Variants in RGS12 observed in about 807,000 individuals in gnomAD.
The protein encoded by RGS12 is regulator of G protein signaling 12, also known as regulator of G-protein signaling 12.
Under a neutral mutation model 120.1 loss-of-function variants are expected in RGS12, and 66 were observed. The observed-to-expected ratio is 0.55, with a 90% CI of 0.45 to 0.67. RGS12 has a LOEUF of 0.67. Ranked by LOEUF, RGS12 falls within the 30% of genes least tolerant of loss-of-function variation. The probability of loss-of-function intolerance (pLI) is 0.00; values close to 1 mark genes in which losing one functional copy is unlikely to be tolerated. For missense variants in RGS12, 1,859 were observed against 1,957.7 expected (o/e 0.95, Z 0.95); for synonymous variants, 827 against 804.7 (o/e 1.03, Z -0.47).
rs376717845 is a variant in RGS12, at chr4:3,365,163, G to A, written c.1999-21253G>A. 1.7e-4 allele frequency among the ~76,000 whole-genome samples: 26 copies of A among 152,294 alleles called. 1 individual carries two copies. The highest frequency in any genetic ancestry group is 6.0e-4 in the African/African-American group (25 of 41,560). ...CTGGACTCAGGGACTGGGCAGAGAG[G>A]GGATGTTCAGGGCCAGGGATGGCAG... On this transcript the variant is annotated intron_variant, in intron 3 of 17. Coordinates refer to ENST00000336727, the MANE Select transcript of RGS12 (RefSeq NM_001394154.1). The surrounding 1 kb of genome is among the most constrained non-coding windows in gnomAD (Gnocchi z 4.0).
At chr4:3,369,464 A>T (rs1716740284) in intron 3 of RGS12, among the ~76,000 whole-genome samples, 1 of 152,170 alleles carries the variant, frequency 6.6e-6, no homozygotes, top group African/African-American at 2.4e-5. Context: ...CCCTGTGGGC[A>T]TTGAGTTTGC....
rs565004782 is a variant in RGS12, at chr4:3,414,083, G to A, written c.2032G>A (p.Ala678Thr). Residue 678 changes from alanine (A) to threonine (T), a missense_variant, in exon 5 of 18, where the codon GCC (alanine) becomes ACC (threonine). Ala to Thr is a moderately conservative substitution (Grantham distance 58). Coordinates refer to ENST00000336727, the MANE Select transcript of RGS12 (RefSeq NM_001394154.1). The part of the protein sequence containing the change: ...ATVSDGELTG[A>T]DLKDCVSNNS... The stretch of plus-strand genomic sequence containing the variant: ...TGCTGGTCCCGCAGAGTTGACGGGC[G>A]CCGACCTGAAGGACTGCGTCAGCAA... The A allele has an allele frequency of 1.5e-5, 23 of 1,563,906 alleles. No individual in the cohort carries two copies. The highest frequency in any genetic ancestry group is 4.6e-5 in the South Asian group (4 of 86,888).
intron 14 of RGS12, among the ~76,000 whole-genome samples, 156 bp from the exon 15 acceptor site, chr4:3,427,934 G>C (rs1723831453): frequency 6.6e-6 from 1 of 152,276 alleles, no homozygotes; most frequent in Non-Finnish European, 1.5e-5. Context: ...CTGTCCCATG[G>C]GGACTCCCCT....
chr4:3,415,807 C>T (rs767701002), intron 6 of RGS12, among the ~76,000 whole-genome samples, 171 bp from the exon 7 acceptor site: 5 of 152,242 alleles, frequency 3.3e-5, no homozygotes, highest in African/African-American at 4.8e-5. Flanking sequence ...GAGGAGCCCG[C>T]GCAGTGCTGC....
Position 3,317,689 on chromosome 4 carries a change from C to T in RGS12, c.1519C>T (p.Pro507Ser), listed in dbSNP as rs751596014. 6.2e-6 allele frequency: 10 copies of T among 1,612,038 alleles called. No homozygotes were observed. In the South Asian group the frequency reaches 6.6e-5, roughly 11 times the overall value. The part of the protein sequence containing the change: ...DLNKHLGPAS[P>S]VEVPPASLRS... ...AAACAAGCACCTAGGGCCAGCCTCT[C>T]CTGTGGAGGTGCCCCCAGCTTCCTT... Residue 507 changes from proline (P) to serine (S), a missense_variant, in exon 2 of 18, where the codon CCT becomes TCT. This residue lies in a region of RGS12 where 967 missense variants were observed against 994.2 expected (regional missense o/e 0.97). Transcript: ENST00000336727.
At chr4:3,418,018 T>C (rs1722593693) in intron 9 of RGS12, 1 of 155,756 alleles carries the variant, frequency 6.4e-6, no homozygotes, top group African/African-American at 2.4e-5. Flanking sequence ...CTTTTACATG[T>C]GTGTGGTTTT....
intron 3 of RGS12, among the ~76,000 whole-genome samples, chr4:3,373,578 C>G (rs1012912704): frequency 1.3e-5 from 2 of 152,360 alleles, no homozygotes; most frequent in Middle Eastern, 3.4e-3. Flanking sequence ...AAATGGCCCT[C>G]GTGTGCCCAT....
At chr4:3,421,015 TTTG>T (rs1326938238) in intron 10 of RGS12, among the ~76,000 whole-genome samples, 1 of 152,228 alleles carries the variant, frequency 6.6e-6, no homozygotes, top group Non-Finnish European at 1.5e-5. Context: ...CTTAAGTCTT[TTTG>T]TTGTAATTTA....
At chr4:3,415,836 T>C in intron 6 of RGS12, 142 bp from the exon 7 acceptor site, 4 of 825,182 alleles carry the variant, frequency 4.8e-6, no homozygotes, top group Non-Finnish European at 7.5e-6. Context: ...GGCCACACTT[T>C]TATTTATTTA....
chr4:3,309,517 G>A (rs1170497674), intron 1 of RGS12, among the ~76,000 whole-genome samples: 4 of 137,940 alleles, frequency 2.9e-5, no homozygotes, highest in Non-Finnish European at 4.6e-5. Flanking sequence ...AATGGCAGGT[G>A]TCCTCTGAGG....
rs1461354919 is a variant in RGS12 at position 3,366,852 on chromosome 4, C to G, written c.1999-19564C>G. 6.6e-6 allele frequency among the ~76,000 whole-genome samples: 1 copy of G among 152,148 alleles called. No individual in the cohort carries two copies. The highest frequency in any genetic ancestry group is 1.5e-5 in the Non-Finnish European group (1 of 68,024). ...AGCTCTTTGGCAGGTCCTGGAGACC[C>G]TGGGTCACCCACAGGCCCCTTTGCC... On this transcript the variant is annotated intron_variant, in intron 3 of 17. Coordinates refer to ENST00000336727, the MANE Select transcript of RGS12 (RefSeq NM_001394154.1). This position sits in a 1 kb window ranked among gnomAD's most constrained non-coding sequence, Gnocchi z 4.0.
In RGS12 at chr4:3,342,658, A is replaced by G. The variant is rs147244955; in HGVS notation, c.1882-279A>G. 9.2e-4 allele frequency: 1,042 copies of G among 1,134,532 alleles called. 10 individuals are homozygous for G. In the African/African-American group the frequency reaches 0.014, roughly 15 times the overall value. 70.3% of individuals were successfully genotyped at this position (1,134,532 alleles called of 1,614,324 possible). ...ACAGCCTTGTGGGTGGGCTGCCGTC[A>G]TCCTGTTCTGTGTTTACAGAGGTGG... On this transcript the variant is annotated intron_variant, in intron 2 of 17. Transcript: ENST00000336727.
At chr4:3,355,898 A>G (rs181081619) in intron 3 of RGS12, among the ~76,000 whole-genome samples, 27 of 151,824 alleles carry the variant, frequency 1.8e-4, no homozygotes, top group Admixed American at 1.7e-3. Flanking sequence ...TGCTAGATAT[A>G]TGGTTAATAT....
At chr4:3,411,222 C>T (rs763795637) in intron 4 of RGS12, among the ~76,000 whole-genome samples, 12 of 152,250 alleles carry the variant, frequency 7.9e-5, no homozygotes, top group Non-Finnish European at 1.3e-4. Flanking sequence ...GCACCCCACT[C>T]ACTACCCTGA....
At chr4:3,314,413 T>C (rs1724601106) in intron 1 of RGS12, 1 of 152,258 alleles carries the variant, frequency 6.6e-6, no homozygotes, top group Non-Finnish European at 1.5e-5. Flanking sequence ...TATTTTATTT[T>C]ATTTTTTGAG....
At chr4:3,413,474 C>G (rs1721979054) in intron 4 of RGS12, 1 of 152,406 alleles carries the variant, frequency 6.6e-6, no homozygotes, top group African/African-American at 2.4e-5. Context: ...AGAAGGAGCC[C>G]ACATGCAGAG....
chr4:3,389,069 G>C lies in RGS12; in HGVS notation c.2020+2632G>C, dbSNP rs753858781. Among the ~76,000 whole-genome samples the C allele has an allele frequency of 6.6e-6, 1 of 152,180 alleles. No individual in the cohort carries two copies. The highest frequency in any genetic ancestry group is 2.4e-5 in the African/African-American group (1 of 41,458). Reference sequence around the variant, plus strand: ...GTGAGAGAGTTCGTGTTCATGCCACGGTTTCATTCTGTGACGCGTATCGTG... The same window carrying C: ...GTGAGAGAGTTCGTGTTCATGCCACCGTTTCATTCTGTGACGCGTATCGTG... On this transcript the variant is annotated intron_variant, in intron 4 of 17. Transcript: ENST00000336727. The surrounding 1 kb of genome is among the most constrained non-coding windows in gnomAD (Gnocchi z 5.2).
At chr4:3,363,302 C>T (rs1027677641) in intron 3 of RGS12, among the ~76,000 whole-genome samples, 3 of 152,174 alleles carry the variant, frequency 2.0e-5, no homozygotes, top group East Asian at 1.9e-4. Context: ...AAGTGATCGG[C>T]GATTATAATT....
intron 3 of RGS12, among the ~76,000 whole-genome samples, chr4:3,361,030 C>T (rs1398017145): frequency 6.6e-6 from 1 of 152,198 alleles, no homozygotes; most frequent in African/African-American, 2.4e-5. Context: ...CCTGACTGCC[C>T]ACCAGTGGTG....
Sources: allele counts gnomAD v4.1 joint callset (sites outside exome capture counted in the v4.1 genomes callset), GRCh38; gene constraint gnomAD v4.1.1; regional missense constraint gnomAD v4.1.1; non-coding constraint Gnocchi (gnomAD v3.1); transcripts MANE v1.5; gene names NCBI Gene and HGNC (gene_info 2026-07-23, HGNC 2026-07-21).